Variants in KDM6A observed in about 807,000 individuals in gnomAD.
The protein encoded by KDM6A is lysine-specific demethylase 6A.
In KDM6A, 11 loss-of-function variants were observed where a neutral mutation model predicts 117.6. The observed-to-expected ratio is 0.09, with a 90% CI of 0.06 to 0.15. KDM6A has a LOEUF of 0.15. KDM6A is among the 10% of genes least tolerant of loss of function. The pLI, the probability that KDM6A is intolerant of heterozygous loss-of-function variation, is 1.00. For missense variants in KDM6A, 799 were observed against 1,077.3 expected, an observed-to-expected ratio of 0.74 and a Z score of 3.62; for synonymous variants, 384 against 396.1, an observed-to-expected ratio of 0.97 and a Z score of 0.36.
At chrX:44,943,245 C>T (rs1419136014) in intron 2 of KDM6A, among the ~76,000 whole-genome samples, 1 of 111,251 alleles carries the variant, frequency 9.0e-6, no homozygotes, top group African/African-American at 3.3e-5. Flanking sequence ...TTTTGGTCTC[C>T]TGGTCCATAT....
chrX:45,042,921 T>A, intron 8 of KDM6A, among the ~76,000 whole-genome samples: 1 of 112,969 alleles, frequency 8.9e-6, no homozygotes, highest in East Asian at 2.8e-4. Context: ...GAATACCACT[T>A]TACCTAGAAT....
At chrX:44,900,045 T>G (rs1290497845) in intron 2 of KDM6A, among the ~76,000 whole-genome samples, 1 of 112,156 alleles carries the variant, frequency 8.9e-6, no homozygotes, top group Non-Finnish European at 1.9e-5. Flanking sequence ...TTAAAGGAAG[T>G]AGATATTTAC....
chrX:45,075,439 A>C (rs2045070613), intron 18 of KDM6A, among the ~76,000 whole-genome samples: 1 of 111,939 alleles, frequency 8.9e-6, no homozygotes, highest in Admixed American at 9.5e-5. Flanking sequence ...TTCAACCTTT[A>C]ACCTTACTTG....
chrX:45,020,928 TC>T (rs1422938406), intron 6 of KDM6A, among the ~76,000 whole-genome samples, 198 bp downstream of exon 6: 2 of 111,759 alleles, frequency 1.8e-5, no homozygotes, highest in African/African-American at 6.5e-5. Flanking sequence ...TGCTAAGACT[TC>T]CATGGTAACA....
rs1603067986 is a variant in KDM6A, at chrX:45,110,195, G to T, written c.4278G>T (p.Val1426=). 23 of 1,209,515 alleles carry T rather than the reference G, an allele frequency of 1.9e-5. No individual in the cohort carries two copies. The highest frequency in any genetic ancestry group is 2.6e-5 in the Non-Finnish European group (23 of 894,792). The stretch of plus-strand genomic sequence containing the variant: ...GCGGAAACTTGGAAAACTTTGTGGT[G>T]CTAGAACAGTACAAAATGGAGGACC... ...KTSGNLENFV[V]LEQYKMEDLM... The change falls in exon 29 of 30, where the codon GTG becomes GTT. Residue 1426 remains valine (V), a synonymous_variant. Coordinates refer to ENST00000611820, the MANE Select transcript of KDM6A (RefSeq NM_001291415.2).
At chrX:44,984,862 T>C (rs1257831631) in intron 4 of KDM6A, among the ~76,000 whole-genome samples, 1 of 111,741 alleles carries the variant, frequency 8.9e-6, no homozygotes, top group East Asian at 2.8e-4. Context: ...TCCAGCTTTG[T>C]TCTTTTGGCT....
chrX:44,937,918 G>A (rs1389441587), intron 2 of KDM6A, among the ~76,000 whole-genome samples: 3 of 111,438 alleles, frequency 2.7e-5, no homozygotes, highest in Non-Finnish European at 5.7e-5. Flanking sequence ...GGAGTGCAGC[G>A]GCATGATATG....
At chrX:44,909,054 G>A (rs759666794) in intron 2 of KDM6A, among the ~76,000 whole-genome samples, 33 of 111,894 alleles carry the variant, frequency 2.9e-4, no homozygotes, top group Non-Finnish European at 5.6e-4. Context: ...TCAGGAAGTG[G>A]AACAGTAGTA....
At chrX:45,018,318 TTATATA>T (rs1375498908) in intron 5 of KDM6A, among the ~76,000 whole-genome samples, 1 of 111,013 alleles carries the variant, frequency 9.0e-6, no homozygotes, top group Admixed American at 9.6e-5. Context: ...AGAACTTTGA[TTATATA>T]TATATAGGTT....
intron 4 of KDM6A, among the ~76,000 whole-genome samples, chrX:44,994,745 T>C (rs1305693113): frequency 9.0e-6 from 1 of 111,615 alleles, no homozygotes; most frequent in African/African-American, 3.3e-5. Context: ...GTTCTTTCCC[T>C]GACACACCTG....
At chrX:44,890,402 T>C (rs1342898134) in intron 2 of KDM6A, among the ~76,000 whole-genome samples, 1 of 111,876 alleles carries the variant, frequency 8.9e-6, no homozygotes, top group Non-Finnish European at 1.9e-5. Context: ...TTCTCTGGGC[T>C]ACGTGCCCAA....
At chrX:44,945,272 G>A (rs2037565760) in intron 2 of KDM6A, among the ~76,000 whole-genome samples, 1 of 111,460 alleles carries the variant, frequency 9.0e-6, no homozygotes, top group African/African-American at 3.3e-5. Context: ...TCTTTAGGCA[G>A]TAAGCTTGGG....
chrX:45,039,503 A>AT (rs756202597), intron 8 of KDM6A, among the ~76,000 whole-genome samples: 12,623 of 61,073 alleles, frequency 0.21, 2,274 homozygotes, highest in East Asian at 0.5. Context: ...TCATTTGATA[A>AT]TTTTTTTTTT....
chrX:45,079,038 TAC>T, intron 20 of KDM6A, 106 bp from the exon 21 acceptor site: 1 of 661,828 alleles, frequency 1.5e-6, no homozygotes, highest in Non-Finnish European at 2.3e-6. Flanking sequence ...GGGAACTGGA[TAC>T]AGTGCCGTAA....
chrX:44,942,440 G>T (rs2037388015), intron 2 of KDM6A, among the ~76,000 whole-genome samples: 1 of 110,812 alleles, frequency 9.0e-6, no homozygotes, highest in South Asian at 3.8e-4. Flanking sequence ...TGTATCTTCT[G>T]TTGATCTGTA....
intron 27 of KDM6A, among the ~76,000 whole-genome samples, chrX:45,095,688 C>G (rs1292660002): frequency 9.0e-6 from 1 of 111,545 alleles, no homozygotes; most frequent in Non-Finnish European, 1.9e-5. Flanking sequence ...GCCATTCCTT[C>G]CCTCTGCTTT....
chrX:45,107,065 G>A (rs941472615), intron 27 of KDM6A: 16 of 193,422 alleles, frequency 8.3e-5, no homozygotes, highest in African/African-American at 4.4e-4. Context: ...TCACGGATGA[G>A]GAAATTGACT....
chrX:45,005,149 A>G (rs995691061), intron 4 of KDM6A, among the ~76,000 whole-genome samples: 1 of 109,659 alleles, frequency 9.1e-6, no homozygotes, highest in African/African-American at 3.3e-5. Flanking sequence ...CCTTTTAGAG[A>G]GGGGTCTTTA....
chrX:44,938,171 G>T (rs1308045832), intron 2 of KDM6A, among the ~76,000 whole-genome samples: 1 of 111,418 alleles, frequency 9.0e-6, no homozygotes, highest in East Asian at 2.8e-4. Context: ...TGTTGTCTAG[G>T]CTGGTTTTGA....
Sources: allele counts gnomAD v4.1 joint callset (sites outside exome capture counted in the v4.1 genomes callset), GRCh38; gene constraint gnomAD v4.1.1; transcripts MANE v1.5; gene names NCBI Gene and HGNC (gene_info 2026-07-23, HGNC 2026-07-21).